The following RNF157 variants were observed in gnomAD, a reference collection of about 807,000 sequenced individuals.
RNF157 encodes ring finger protein 157, also known as E3 ubiquitin ligase RNF157.
RNF157 carries 55 observed loss-of-function variants against 88.3 expected under a neutral mutation model. That is an observed-to-expected ratio of 0.62 (90% CI 0.50 to 0.78). The LOEUF (loss-of-function observed/expected upper bound fraction) is 0.78. Among genes scored for constraint, RNF157 ranks in the 30% least tolerant of loss-of-function variants. The pLI, the probability that RNF157 is intolerant of heterozygous loss-of-function variation, is 0.00. For missense variants in RNF157, 788 were observed against 860.8 expected, an observed-to-expected ratio of 0.92 and a Z score of 1.06; for synonymous variants, 334 against 341.2, an observed-to-expected ratio of 0.98 and a Z score of 0.23.
At chr17:76,198,287 T>G (rs1354657158) in intron 2 of RNF157, among the ~76,000 whole-genome samples, 1 of 152,006 alleles carries the variant, frequency 6.6e-6, no homozygotes, top group Non-Finnish European at 1.5e-5. Flanking sequence ...ACAGGGACAT[T>G]CTCTTATGAC....
Position 76,156,241 on chromosome 17 carries a change from C to T in RNF157, c.1494G>A (p.Thr498=), listed in dbSNP as rs146843972. 2.6e-4 allele frequency: 422 copies of T among 1,614,044 alleles called. 1 individual carries two copies. The East Asian group carries it at 2.9e-3, about 11-fold the overall frequency. Residue 498 remains threonine, a synonymous_variant, in exon 14 of 19, where the codon ACG becomes ACA. Transcript: ENST00000269391. Reference sequence around the variant, plus strand: ...GGGAGGAAATAGTGGATGACAGAGGCGTCCCTGTGCAAGACGACTGGTCAA... The same window carrying T: ...GGGAGGAAATAGTGGATGACAGAGGTGTCCCTGTGCAAGACGACTGGTCAA... ...GAIDQSSCTG[T]PLSSTISSPE...
chr17:76,207,320 G>A (rs2069697869), intron 2 of RNF157, among the ~76,000 whole-genome samples: 1 of 152,140 alleles, frequency 6.6e-6, no homozygotes, highest in Admixed American at 6.5e-5. Context: ...CTACTCAGGA[G>A]ACTGAGGCAG....
At position 76,157,208 on chromosome 17, in the gene RNF157, C is replaced by T. The variant is rs1030209148; in HGVS notation, c.1414-887G>A. Among the ~76,000 whole-genome samples the T allele has an allele frequency of 6.6e-5, 10 of 152,328 alleles. No homozygotes were observed. Among genetic ancestry groups the T allele is most frequent in the Non-Finnish European group, 1.0e-4 (7 of 68,028 alleles). ...GTCTCGATCTCCTGACCTCGTGATC[C>T]GCCCGCCTCGGCCTCCCAAAGTGCC... is the stretch of plus-strand genomic sequence containing the variant. On this transcript the variant is annotated intron_variant, in intron 13 of 18. Transcript: ENST00000269391. This position sits in a 1 kb window ranked among gnomAD's most constrained non-coding sequence, Gnocchi z 5.6.
rs1341806233 is a variant in RNF157 at position 76,146,937 on chromosome 17, TA to T, written c.1922-1585del. 6.1e-6 allele frequency: 6 copies of T among 985,306 alleles called. No homozygotes were observed. The highest frequency in any genetic ancestry group is 7.2e-6 in the Non-Finnish European group (6 of 829,944). 61.0% of individuals were successfully genotyped at this position (985,306 alleles called of 1,614,324 possible). A position where few individuals can be genotyped will look rare whatever the true frequency, so the allele number is the denominator to read the frequency against. ...TAATGGCATGTAGAGTCAACAGGTA[TA>T]AATGGCTTATTTCCATCAATGCCTT... On this transcript the variant is annotated intron_variant, in intron 18 of 18. Coordinates refer to ENST00000269391, the MANE Select transcript of RNF157 (RefSeq NM_052916.3). The surrounding 1 kb of genome is among the most constrained non-coding windows in gnomAD (Gnocchi z 4.2).
chr17:76,173,496 C>T (rs1256667686), intron 3 of RNF157, among the ~76,000 whole-genome samples: 1 of 152,228 alleles, frequency 6.6e-6, no homozygotes, highest in African/African-American at 2.4e-5. Context: ...CAAACACAGA[C>T]GATTGCATCC....
At chr17:76,239,804 C>T (rs2070346355) in intron 1 of RNF157, among the ~76,000 whole-genome samples, 1 of 152,080 alleles carries the variant, frequency 6.6e-6, no homozygotes, top group African/African-American at 2.4e-5. Context: ...TGCGGGGCGC[C>T]GACCTCGCCT....
intron 2 of RNF157, among the ~76,000 whole-genome samples, chr17:76,193,399 A>T (rs2069418476): frequency 6.6e-6 from 1 of 152,234 alleles, no homozygotes; most frequent in Admixed American, 6.5e-5. Flanking sequence ...GCAATTAGGT[A>T]AGTATCTCTT....
Position 76,225,921 on chromosome 17 carries a change from G to A in RNF157, c.89-13439C>T, listed in dbSNP as rs149117768. On this transcript the variant is annotated intron_variant, in intron 1 of 18. Transcript: ENST00000269391. ...TCCTGCTCCGCCCTCTTCTTCTGGC[G>A]GTACCTAGTGGCTGCTGTCTTGTTT... The A allele has an allele frequency of 1.6e-3, 2,635 of 1,613,066 alleles. 6 individuals are homozygous for A. The highest frequency in any genetic ancestry group is 3.2e-3 in the Admixed American group (190 of 59,820).
intron 2 of RNF157, among the ~76,000 whole-genome samples, chr17:76,207,724 C>A (rs1243238443): frequency 6.6e-6 from 1 of 152,154 alleles, no homozygotes; most frequent in African/African-American, 2.4e-5. Context: ...TGCTGACACC[C>A]AAGATCTTTT....
intron 3 of RNF157, 42 bp from the exon 4 acceptor site, chr17:76,167,839 A>G (rs756895757): frequency 5.1e-6 from 8 of 1,573,664 alleles, no homozygotes; most frequent in Non-Finnish European, 6.9e-6. Flanking sequence ...TAGCATATCA[A>G]TATTTTAAAA....
chr17:76,210,319 C>CTT (rs1568065447), intron 2 of RNF157, among the ~76,000 whole-genome samples: 1 of 151,948 alleles, frequency 6.6e-6, no homozygotes, highest in African/African-American at 2.4e-5. Flanking sequence ...ACCCGCCGGG[C>CTT]GCAGTGGCTC....
intron 1 of RNF157, chr17:76,226,326 G>A: frequency 1.9e-6 from 3 of 1,604,012 alleles, no homozygotes; most frequent in Non-Finnish European, 2.6e-6. Flanking sequence ...GGAAGAAGTT[G>A]CAAGAAGGTG....
chr17:76,154,193 C>T (rs144273940), intron 17 of RNF157, 90 bp downstream of exon 17: 14 of 936,128 alleles, frequency 1.5e-5, no homozygotes, highest in African/African-American at 4.9e-5. Context: ...AGCGCCACCA[C>T]GTCATACCGG....
At chr17:76,211,255 C>T (rs779126534) in intron 2 of RNF157, among the ~76,000 whole-genome samples, 2 of 152,232 alleles carry the variant, frequency 1.3e-5, no homozygotes, top group African/African-American at 4.8e-5. Context: ...AACTTGAATG[C>T]TCTTAGGCCT....
intron 9 of RNF157, 94 bp downstream of exon 9, chr17:76,162,458 C>T: frequency 1.2e-6 from 1 of 858,456 alleles, no homozygotes; most frequent in Middle Eastern, 2.3e-4. Context: ...TAACTGATTT[C>T]AGAGTTTGGC....
chr17:76,188,089 C>A (rs531562694), intron 2 of RNF157, among the ~76,000 whole-genome samples: 7 of 152,292 alleles, frequency 4.6e-5, no homozygotes, highest in African/African-American at 1.7e-4. Flanking sequence ...TTCTGTAAAC[C>A]AAGTGAACTA....
At chr17:76,168,452 C>T (rs542532822) in intron 3 of RNF157, among the ~76,000 whole-genome samples, 2 of 146,380 alleles carry the variant, frequency 1.4e-5, no homozygotes, top group South Asian at 2.1e-4. Flanking sequence ...CTTCCAGTTG[C>T]GTAGTTTCCT....
chr17:76,210,588 C>CAAAAAAA (rs71161274), intron 2 of RNF157, among the ~76,000 whole-genome samples: 19,495 of 53,026 alleles, frequency 0.37, 4,511 homozygotes, highest in Middle Eastern at 0.45. Flanking sequence ...AGACTCCGTC[C>CAAAAAAA]AAAAAAAAAA....
chr17:76,225,761 C>T (rs2070071385), intron 1 of RNF157: 70 of 1,529,722 alleles, frequency 4.6e-5, no homozygotes, highest in Non-Finnish European at 5.6e-5. Flanking sequence ...CTAGGGGACC[C>T]TTTTCTTCCC....
Sources: allele counts gnomAD v4.1 joint callset (sites outside exome capture counted in the v4.1 genomes callset), GRCh38; gene constraint gnomAD v4.1.1; non-coding constraint Gnocchi (gnomAD v3.1); transcripts MANE v1.5; gene names NCBI Gene and HGNC (gene_info 2026-07-23, HGNC 2026-07-21).